Variants in MCOLN2 observed in about 807,000 individuals in gnomAD.
MCOLN2 encodes mucolipin TRP cation channel 2.
In MCOLN2, 57 loss-of-function variants were observed where a neutral mutation model predicts 67.5. The observed-to-expected ratio is 0.84, with a 90% CI of 0.68 to 1.05. The LOEUF (loss-of-function observed/expected upper bound fraction) is 1.05, where lower values mean the gene tolerates loss of function less well. Ranked by LOEUF, MCOLN2 falls within the 50% of genes least tolerant of loss-of-function variation. The pLI is 0.00. For synonymous variants in MCOLN2, 246 were observed against 233.3 expected (o/e 1.05, Z -0.50); for missense variants, 620 against 678.8 (o/e 0.91, Z 0.96).
At chr1:84,975,450 T>C (rs1477243508) in intron 1 of MCOLN2, among the ~76,000 whole-genome samples, 1 of 152,064 alleles carries the variant, frequency 6.6e-6, no homozygotes, top group Non-Finnish European at 1.5e-5. Context: ...ACTCCATGAG[T>C]CTATAAGAAC....
At position 84,931,517 on chromosome 1, in the gene MCOLN2, C is replaced by T. The variant is rs1456335095; in HGVS notation, c.1387G>A (p.Asp463Asn). Reference protein sequence around the residue: ...AECLFSLVNGDDMFATFAQIQ... With the variant: ...AECLFSLVNGNDMFATFAQIQ... ...TGGGCAAAGGTTGCAAACATGTCATCACCGTTGACCAGAGAAAACAGACAC... is the reference window on the plus strand; with the variant it reads ...TGGGCAAAGGTTGCAAACATGTCATTACCGTTGACCAGAGAAAACAGACAC... The change falls in exon 12 of 14, where the codon GAT becomes AAT. Residue 463 changes from aspartate to asparagine, a missense_variant. Physicochemically the swap from Asp to Asn is conservative, Grantham distance 23 (BLOSUM62 1). Coordinates refer to ENST00000370608, the MANE Select transcript of MCOLN2 (RefSeq NM_153259.4). 6.2e-7 allele frequency: 1 copy of T among 1,614,088 alleles called. No individual in the cohort carries two copies. Among genetic ancestry groups the T allele is most frequent in the Non-Finnish European group, 8.5e-7 (1 of 1,179,988 alleles).
intron 2 of MCOLN2, among the ~76,000 whole-genome samples, chr1:84,964,324 T>G (rs1046546167): frequency 6.6e-6 from 1 of 152,218 alleles, no homozygotes; most frequent in Non-Finnish European, 1.5e-5. Flanking sequence ...TATTTATTTT[T>G]ATGTTCCAGA....
intron 1 of MCOLN2, among the ~76,000 whole-genome samples, chr1:84,994,487 G>C (rs958628727): frequency 1.3e-5 from 2 of 152,228 alleles, no homozygotes; most frequent in African/African-American, 4.8e-5. Flanking sequence ...ACTTGCTGCA[G>C]CTTCTATATC....
chr1:84,993,773 G>GGC (rs1651013342), intron 1 of MCOLN2, among the ~76,000 whole-genome samples: 1 of 151,416 alleles, frequency 6.6e-6, no homozygotes, highest in Admixed American at 6.6e-5. Flanking sequence ...TGGGACTACA[G>GGC]GCGCCCGCCA....
intron 1 of MCOLN2, among the ~76,000 whole-genome samples, chr1:84,988,210 T>G (rs113992543): frequency 6.6e-6 from 1 of 151,926 alleles, no homozygotes; most frequent in Non-Finnish European, 1.5e-5. Context: ...GATTTTTTTT[T>G]AATTTTAATT....
chr1:84,936,444 G>A (rs1219967348), intron 11 of MCOLN2, among the ~76,000 whole-genome samples: 4 of 152,194 alleles, frequency 2.6e-5, no homozygotes, highest in Non-Finnish European at 5.9e-5. Context: ...TTCAGAGCAT[G>A]AGGCAAGCAA....
chr1:84,929,806 G>A, intron 12 of MCOLN2, 127 bp from the exon 13 acceptor site: 1 of 810,316 alleles, frequency 1.2e-6, no homozygotes, highest in Non-Finnish European at 1.9e-6. Context: ...TCCAAGAACT[G>A]ATATTTACAA....
chr1:84,934,098 A>T (rs12124212), intron 11 of MCOLN2, among the ~76,000 whole-genome samples: 1 of 151,998 alleles, frequency 6.6e-6, no homozygotes, highest in Non-Finnish European at 1.5e-5. Context: ...TTGGATCTTG[A>T]GTGATCATAA....
chr1:84,952,540 T>C lies in MCOLN2; in HGVS notation c.566-10A>G, dbSNP rs1648554572. The stretch of plus-strand genomic sequence containing the variant: ...TCTAATTGAACACAATCTAGGGCAA[T>C]GAAAGAACAAGAAATGGTTGTTTCA... On this transcript the variant is annotated splice_polypyrimidine_tract_variant and intron_variant, in intron 4 of 13. Coordinates refer to ENST00000370608, the MANE Select transcript of MCOLN2 (RefSeq NM_153259.4). 2.5e-6 allele frequency: 4 copies of C among 1,585,086 alleles called. No homozygotes were observed. Among genetic ancestry groups the C allele is most frequent in the Non-Finnish European group, 3.5e-6 (4 of 1,154,040 alleles).
intron 1 of MCOLN2, among the ~76,000 whole-genome samples, chr1:84,987,296 G>C (rs1174206658): frequency 2.8e-5 from 4 of 142,580 alleles, no homozygotes; most frequent in South Asian, 2.1e-4. Context: ...CATATGCCAT[G>C]TAGATACATA....
chr1:84,981,827 A>T (rs895916366), intron 1 of MCOLN2, among the ~76,000 whole-genome samples: 1 of 152,222 alleles, frequency 6.6e-6, no homozygotes, highest in African/African-American at 2.4e-5. Context: ...GACTGTCTGT[A>T]ACACAAAGGA....
Position 84,927,778 on chromosome 1 carries a change from T to C in MCOLN2, c.1665-1057A>G, listed in dbSNP as rs571816686. 5.3e-5 allele frequency among the ~76,000 whole-genome samples: 8 copies of C among 152,274 alleles called. No homozygotes were observed. In the South Asian group the frequency reaches 1.0e-3, roughly 20 times the overall value. On this transcript the variant is annotated intron_variant, in intron 13 of 13. Coordinates refer to ENST00000370608, the MANE Select transcript of MCOLN2 (RefSeq NM_153259.4). ...TCCTCAATTTTAGTCCATTCTTCTG[T>C]CCCTAGCTTTTATTTTATTTTTTAA...
chr1:84,983,160 C>T (rs1650342395), intron 1 of MCOLN2, among the ~76,000 whole-genome samples: 1 of 152,208 alleles, frequency 6.6e-6, no homozygotes, highest in Non-Finnish European at 1.5e-5. Flanking sequence ...CAGGTCTCCA[C>T]ACCAGCAACC....
At chr1:84,958,191 G>A (rs1285917467) in intron 3 of MCOLN2, among the ~76,000 whole-genome samples, 1 of 152,150 alleles carries the variant, frequency 6.6e-6, no homozygotes, top group Non-Finnish European at 1.5e-5. Context: ...ACAGGCATGA[G>A]TCACTACGCC....
At chr1:84,938,216 A>AG (rs1457488503) in intron 9 of MCOLN2, 134 bp from the exon 10 acceptor site, 7 of 462,762 alleles carry the variant, frequency 1.5e-5, no homozygotes, top group African/African-American at 1.0e-4. Flanking sequence ...TTTTTTTTGA[A>AG]GAAAAAAAAG....
Position 84,931,417 on chromosome 1 carries a change from T to C in MCOLN2, c.1487A>G (p.Tyr496Cys), listed in dbSNP as rs1374019325. 1.9e-6 allele frequency: 3 copies of C among 1,598,002 alleles called. No homozygotes were observed. The highest frequency in any genetic ancestry group is 2.2e-5 in the East Asian group (1 of 44,760). ...YLYSFISLFI[Y>C]MILSLFIALI... ...TGCAATAAAAAGACTGAGAATCATA[T>C]ATATAAAAAGGCTGATGAAGGAATA... The change falls in exon 12 of 14, where the codon TAT (tyrosine) becomes TGT (cysteine). Residue 496 changes from tyrosine to cysteine, a missense_variant. Tyr to Cys is a radical substitution (Grantham distance 194). Coordinates refer to ENST00000370608, the MANE Select transcript of MCOLN2 (RefSeq NM_153259.4).
intron 1 of MCOLN2, among the ~76,000 whole-genome samples, chr1:84,987,071 T>C (rs1392457218): frequency 6.6e-6 from 1 of 151,956 alleles, no homozygotes; most frequent in Non-Finnish European, 1.5e-5. Context: ...AAGATACTTG[T>C]ACACGCATGT....
intron 1 of MCOLN2, among the ~76,000 whole-genome samples, chr1:84,990,066 G>T (rs1349868461): frequency 6.6e-6 from 1 of 152,046 alleles, no homozygotes; most frequent in East Asian, 1.9e-4. Flanking sequence ...GGAGGCCAAG[G>T]CAGGCGGATC....
At chr1:84,987,491 T>C (rs1650610654) in intron 1 of MCOLN2, among the ~76,000 whole-genome samples, 1 of 12,468 alleles carries the variant, frequency 8.0e-5, no homozygotes, top group Non-Finnish European at 3.2e-4. Flanking sequence ...CATATATACA[T>C]ATGTATACAT....
Sources: gnomAD v4.1 joint callset for allele counts (sites outside exome capture counted in the v4.1 genomes callset) on GRCh38, gnomAD v4.1.1 for gene constraint, MANE v1.5 for transcripts, NCBI Gene and HGNC (gene_info 2026-07-23, HGNC 2026-07-21) for gene names.